Variants in SLC26A7 observed in about 807,000 individuals in gnomAD.
SLC26A7 encodes the protein anion exchange transporter.
SLC26A7 carries 59 observed loss-of-function variants against 82.5 expected under a neutral mutation model. The observed-to-expected ratio is 0.72, with a 90% CI of 0.58 to 0.89. SLC26A7 has a LOEUF of 0.89. SLC26A7 is among the 40% of genes least tolerant of loss of function. SLC26A7 has a pLI of 0.00. For missense variants in SLC26A7, 820 were observed against 793.0 expected (o/e 1.03, Z -0.41); for synonymous variants, 271 against 274.3 (o/e 0.99, Z 0.12).
chr8:91,360,676 C>G (rs902455554), intron 11 of SLC26A7, among the ~76,000 whole-genome samples: 2 of 152,088 alleles, frequency 1.3e-5, no homozygotes, highest in Non-Finnish European at 2.9e-5. Flanking sequence ...GGCCTCCAGG[C>G]TCTATGGTTT....
chr8:91,352,555 A>C (rs1320403097), intron 10 of SLC26A7, among the ~76,000 whole-genome samples: 1 of 152,272 alleles, frequency 6.6e-6, no homozygotes, highest in South Asian at 2.1e-4. Flanking sequence ...TACATATTTA[A>C]TTTCATGCAA....
chr8:91,301,673 G>A (rs987109512), intron 4 of SLC26A7, among the ~76,000 whole-genome samples: 1 of 151,762 alleles, frequency 6.6e-6, no homozygotes, highest in Non-Finnish European at 1.5e-5. Context: ...TTTTGAAATA[G>A]TATGTCTACT....
rs532960963 is a variant in SLC26A7 at position 91,352,973 on chromosome 8, T to G, written c.1291T>G (p.Trp431Gly). ...LIQFRDLKKY[W>G]NVDKIDWGIW... The stretch of plus-strand genomic sequence containing the variant: ...ACAGTTCCGAGATTTAAAAAAATAT[T>G]GGAATGTGGATAAAATCGATTGGGT... Residue 431 changes from tryptophan to glycine, a missense_variant, in exon 11 of 19, where the codon TGG becomes GGG. Coordinates refer to ENST00000276609, the MANE Select transcript of SLC26A7 (RefSeq NM_052832.4). 6.2e-7 allele frequency: 1 copy of G among 1,608,242 alleles called. No homozygotes were observed. The highest frequency in any genetic ancestry group is 1.7e-5 in the Admixed American group (1 of 59,144).
intron 5 of SLC26A7, among the ~76,000 whole-genome samples, chr8:91,327,719 A>C (rs539023325): frequency 6.6e-6 from 1 of 152,310 alleles, no homozygotes; most frequent in South Asian, 2.1e-4. Flanking sequence ...TGATAGATTT[A>C]TTACAGTGTG....
At chr8:91,392,837 A>T (rs1409963189) in intron 16 of SLC26A7, among the ~76,000 whole-genome samples, 1 of 152,168 alleles carries the variant, frequency 6.6e-6, no homozygotes, top group Admixed American at 6.5e-5. Context: ...GAGTTTAAGA[A>T]AGAGTGAAAC....
chr8:91,278,078 A>G (rs1447379134), intron 2 of SLC26A7, among the ~76,000 whole-genome samples: 1 of 152,136 alleles, frequency 6.6e-6, no homozygotes, highest in Non-Finnish European at 1.5e-5. Flanking sequence ...TTTCAGTGGC[A>G]GGGGGAGGAG....
At chr8:91,299,184 A>G (rs558986635) in intron 4 of SLC26A7, among the ~76,000 whole-genome samples, 72 of 152,196 alleles carry the variant, frequency 4.7e-4, no homozygotes, top group African/African-American at 1.7e-3. Flanking sequence ...AAATTTTAAG[A>G]GTTCTTTATA....
intron 2 of SLC26A7, among the ~76,000 whole-genome samples, chr8:91,265,769 G>T (rs1430396326): frequency 6.6e-6 from 1 of 151,712 alleles, no homozygotes; most frequent in East Asian, 1.9e-4. Context: ...GTGTGTGTGC[G>T]CACGCGCCTT....
intron 18 of SLC26A7, chr8:91,394,467 G>C: frequency 7.2e-7 from 1 of 1,387,646 alleles, no homozygotes; most frequent in Non-Finnish European, 9.3e-7. Flanking sequence ...ACTATTTGTA[G>C]AATCTAGTGC....
chr8:91,355,844 A>G (rs1212247273), intron 11 of SLC26A7, among the ~76,000 whole-genome samples: 1 of 152,066 alleles, frequency 6.6e-6, no homozygotes, highest in African/African-American at 2.4e-5. Flanking sequence ...GTCATTTAGC[A>G]TTAGGTATGT....
upstream of SLC26A7, among the ~76,000 whole-genome samples, chr8:91,245,101 T>G (rs949891349): frequency 2.6e-5 from 4 of 152,166 alleles, no homozygotes; most frequent in African/African-American, 9.7e-5. Context: ...CATATTTGAA[T>G]GTAAGAGTAT....
chr8:91,341,855 A>C (rs1475828354), intron 8 of SLC26A7, among the ~76,000 whole-genome samples: 1 of 152,018 alleles, frequency 6.6e-6, no homozygotes, highest in Non-Finnish European at 1.5e-5. Context: ...GGATATTTGC[A>C]CTTGCTGTTC....
At chr8:91,326,896 G>A (rs889505638) in intron 5 of SLC26A7, among the ~76,000 whole-genome samples, 1 of 152,034 alleles carries the variant, frequency 6.6e-6, no homozygotes, top group African/African-American at 2.4e-5. Flanking sequence ...GCTGCATCAC[G>A]CCAACTTCTG....
At chr8:91,246,041 GA>G (rs1187440318), upstream of SLC26A7, among the ~76,000 whole-genome samples, 2 of 152,192 alleles carry the variant, frequency 1.3e-5, no homozygotes. Context: ...CATAGATTGT[GA>G]GAGAACTGGG....
At chr8:91,357,059 C>G (rs1295847376) in intron 11 of SLC26A7, among the ~76,000 whole-genome samples, 1 of 152,162 alleles carries the variant, frequency 6.6e-6, no homozygotes, top group Non-Finnish European at 1.5e-5. Flanking sequence ...CTTAGGAGGT[C>G]AGATTGTAAG....
chr8:91,379,122 A>G (rs1195696672), intron 15 of SLC26A7, among the ~76,000 whole-genome samples: 1 of 152,064 alleles, frequency 6.6e-6, no homozygotes, highest in Non-Finnish European at 1.5e-5. Flanking sequence ...CACAGGATGA[A>G]GGTGTACAAC....
chr8:91,249,492 T>C, intron 1 of SLC26A7, 47 bp from the exon 2 acceptor site: 1 of 461,336 alleles, frequency 2.2e-6, no homozygotes, highest in Non-Finnish European at 3.7e-6. Flanking sequence ...AGTGCTTCTG[T>C]TAATCTCTCT....
intron 15 of SLC26A7, among the ~76,000 whole-genome samples, chr8:91,371,307 A>T (rs1814352848): frequency 2.6e-5 from 4 of 151,710 alleles, no homozygotes; most frequent in Admixed American, 2.0e-4. Context: ...TTTATTGTAG[A>T]TTCAGGGGAG....
At chr8:91,299,619 G>A (rs1812108262) in intron 4 of SLC26A7, among the ~76,000 whole-genome samples, 1 of 151,954 alleles carries the variant, frequency 6.6e-6, no homozygotes, top group African/African-American at 2.4e-5. Context: ...TCAATTTTGG[G>A]ACTTTCTTTG....
Sources: allele counts gnomAD v4.1 joint callset (sites outside exome capture counted in the v4.1 genomes callset), GRCh38; gene constraint gnomAD v4.1.1; transcripts MANE v1.5; gene names NCBI Gene and HGNC (gene_info 2026-07-23, HGNC 2026-07-21).